The following ZNF804B variants were observed in gnomAD, a reference collection of about 807,000 sequenced individuals.
ZNF804B encodes the protein zinc finger 804B.
ZNF804B carries 80 observed loss-of-function variants against 101.4 expected under a neutral mutation model. The observed-to-expected ratio is 0.79, with a 90% CI of 0.66 to 0.95. The LOEUF (loss-of-function observed/expected upper bound fraction) is 0.95, where lower values mean the gene tolerates loss of function less well. ZNF804B is among the 40% of genes least tolerant of loss of function. The probability of loss-of-function intolerance (pLI) is 0.00; values close to 1 mark genes in which losing one functional copy is unlikely to be tolerated. For missense variants in ZNF804B, 1,673 were observed against 1,561.9 expected (o/e 1.07, Z -1.20); for synonymous variants, 622 against 558.8 (o/e 1.11, Z -1.59).
At chr7:89,226,614 T>A (rs1169918481) in intron 2 of ZNF804B, among the ~76,000 whole-genome samples, 1 of 152,056 alleles carries the variant, frequency 6.6e-6, no homozygotes, top group Non-Finnish European at 1.5e-5. Context: ...TGTAACAACA[T>A]AAAATGTGGT....
Position 88,970,864 on chromosome 7 carries a change from C to G in ZNF804B, c.108+210780C>G, listed in dbSNP as rs574514623. Reference sequence around the variant, plus strand: ...GGATAGCATTAGGAGGTATACCTAACGCTAAATGACAAGTTAATGGGTGCA... The same window carrying G: ...GGATAGCATTAGGAGGTATACCTAAGGCTAAATGACAAGTTAATGGGTGCA... On this transcript the variant is annotated intron_variant, in intron 1 of 3. Coordinates refer to ENST00000333190, the MANE Select transcript of ZNF804B (RefSeq NM_181646.5). 4.6e-3 allele frequency among the ~76,000 whole-genome samples: 693 copies of G among 150,180 alleles called. 7 individuals are homozygous for G. The highest frequency in any genetic ancestry group is 0.015 in the African/African-American group (624 of 40,944).
At chr7:88,801,432 T>A (rs905152091) in intron 1 of ZNF804B, among the ~76,000 whole-genome samples, 1 of 152,084 alleles carries the variant, frequency 6.6e-6, no homozygotes, top group Admixed American at 6.6e-5. Context: ...TATAACTGTT[T>A]AGGAAGTTGC....
chr7:89,147,095 A>ATATATG (rs1482687834), intron 1 of ZNF804B, among the ~76,000 whole-genome samples: 3 of 149,980 alleles, frequency 2.0e-5, no homozygotes, highest in African/African-American at 7.3e-5. Flanking sequence ...ATATATATAT[A>ATATATG]TATATATTTA....
At chr7:89,173,165 G>GA (rs758803245) in intron 1 of ZNF804B, among the ~76,000 whole-genome samples, 39 of 152,060 alleles carry the variant, frequency 2.6e-4, no homozygotes, top group Non-Finnish European at 4.1e-4. Flanking sequence ...CTGACTATGT[G>GA]AAACATGTGT....
intron 1 of ZNF804B, among the ~76,000 whole-genome samples, chr7:88,789,562 C>G (rs1790348710): frequency 6.6e-6 from 1 of 152,044 alleles, no homozygotes; most frequent in African/African-American, 2.4e-5. Flanking sequence ...TTTTTGGGTT[C>G]TCTCTGTATG....
At chr7:89,021,650 G>C (rs1788669758) in intron 1 of ZNF804B, among the ~76,000 whole-genome samples, 1 of 152,120 alleles carries the variant, frequency 6.6e-6, no homozygotes, top group African/African-American at 2.4e-5. Flanking sequence ...AGTTGCAGTG[G>C]GTGCTGGTTT....
At chr7:88,988,396 T>A (rs1451531777) in intron 1 of ZNF804B, among the ~76,000 whole-genome samples, 1 of 152,114 alleles carries the variant, frequency 6.6e-6, no homozygotes, top group East Asian at 1.9e-4. Flanking sequence ...AGAGATGTGC[T>A]GCTCTATTTT....
At chr7:88,838,745 AAACTGAGAG>A (rs926946412) in intron 1 of ZNF804B, among the ~76,000 whole-genome samples, 1 of 151,950 alleles carries the variant, frequency 6.6e-6, no homozygotes, top group Non-Finnish European at 1.5e-5. Context: ...TTAATCTTGA[AAACTGAGAG>A]AAATAGAATC....
chr7:88,877,006 A>AAAAATATATATATAT (rs1171913711), intron 1 of ZNF804B, among the ~76,000 whole-genome samples: 9 of 84,254 alleles, frequency 1.1e-4, no homozygotes, highest in East Asian at 3.7e-4. Flanking sequence ...TTGAAAAAAA[A>AAAAATATATATATAT]AATATATATA....
chr7:89,283,470 G>A (rs1353289825), intron 2 of ZNF804B, among the ~76,000 whole-genome samples: 1 of 152,128 alleles, frequency 6.6e-6, no homozygotes, highest in African/African-American at 2.4e-5. Context: ...TTTATAGTGT[G>A]TGGACTACAA....
chr7:88,999,518 TTTTC>T (rs1250863229), intron 1 of ZNF804B, among the ~76,000 whole-genome samples: 1 of 151,994 alleles, frequency 6.6e-6, no homozygotes, highest in Non-Finnish European at 1.5e-5. Flanking sequence ...ACTCTGTCAT[TTTTC>T]CTCCAATGAG....
intron 1 of ZNF804B, among the ~76,000 whole-genome samples, chr7:89,203,818 C>A (rs754459438): frequency 2.0e-5 from 3 of 152,112 alleles, no homozygotes; most frequent in Non-Finnish European, 2.9e-5. Context: ...TTCTTAAAAG[C>A]AAAGCCATTG....
rs1791048476 is a variant in ZNF804B, at chr7:89,334,758, T to C, written c.1776T>C (p.Ala592=). Residue 592 remains alanine (A), a synonymous_variant, in exon 4 of 4, where the codon GCT becomes GCC. Transcript: ENST00000333190. The part of the protein sequence containing the change: ...LYLNTSLKDC[A]GKNNSSENKL... Reference sequence around the variant, plus strand: ...TCAACACATCTCTAAAGGATTGTGCTGGAAAGAATAATAGTAGTGAGAACA... The same window carrying C: ...TCAACACATCTCTAAAGGATTGTGCCGGAAAGAATAATAGTAGTGAGAACA... 1 of 1,613,800 alleles carries C rather than the reference T, an allele frequency of 6.2e-7. No individual in the cohort carries two copies. The highest frequency in any genetic ancestry group is 2.2e-5 in the East Asian group (1 of 44,856).
chr7:89,217,796 C>A (rs200851201), intron 1 of ZNF804B, among the ~76,000 whole-genome samples: 1 of 151,964 alleles, frequency 6.6e-6, no homozygotes, highest in Non-Finnish European at 1.5e-5. Flanking sequence ...GATAGAATTG[C>A]ATAGGACACT....
chr7:89,261,207 A>T (rs1789707978), intron 2 of ZNF804B, among the ~76,000 whole-genome samples: 2 of 152,172 alleles, frequency 1.3e-5, no homozygotes, highest in African/African-American at 4.8e-5. Flanking sequence ...ATTTCTCTGA[A>T]CTGTAATAGA....
chr7:88,959,926 T>C (rs956119735), intron 1 of ZNF804B, among the ~76,000 whole-genome samples: 1 of 151,374 alleles, frequency 6.6e-6, no homozygotes, highest in Non-Finnish European at 1.5e-5. Flanking sequence ...GAAATTTTCC[T>C]TTTTTTCTAA....
chr7:89,311,017 C>T (rs894516791), intron 2 of ZNF804B, among the ~76,000 whole-genome samples: 2 of 151,714 alleles, frequency 1.3e-5, no homozygotes, highest in Admixed American at 6.6e-5. Context: ...GCATTTCTTT[C>T]CCACAAGAAG....
rs553482886 is a variant in ZNF804B at position 88,803,307 on chromosome 7, A to C, written c.108+43223A>C. 1.1e-3 allele frequency among the ~76,000 whole-genome samples: 173 copies of C among 152,282 alleles called. 2 individuals are homozygous for C. Among genetic ancestry groups the C allele is most frequent in the African/African-American group, 4.1e-3 (170 of 41,562 alleles). ...TGATGGATCATGAACCAAATTGAAC[A>C]AAGAGAAGCTTCACTCTGGGAAATC... On this transcript the variant is annotated intron_variant, in intron 1 of 3. Coordinates refer to ENST00000333190, the MANE Select transcript of ZNF804B (RefSeq NM_181646.5).
intron 2 of ZNF804B, among the ~76,000 whole-genome samples, chr7:89,279,711 C>G (rs1704225773): frequency 6.6e-6 from 1 of 152,046 alleles, no homozygotes; most frequent in African/African-American, 2.4e-5. Context: ...CCCACTTGAT[C>G]ATGGTGGGTA....
Sources: gnomAD v4.1 joint callset for allele counts (sites outside exome capture counted in the v4.1 genomes callset) on GRCh38, gnomAD v4.1.1 for gene constraint, MANE v1.5 for transcripts, NCBI Gene and HGNC (gene_info 2026-07-23, HGNC 2026-07-21) for gene names.